Variants in FRMD5 observed in about 807,000 individuals in gnomAD.
The protein encoded by FRMD5 is FERM domain-containing protein 5.
FRMD5 carries 20 observed loss-of-function variants against 69.0 expected under a neutral mutation model. The observed-to-expected ratio is 0.29, with a 90% CI of 0.20 to 0.42. The LOEUF (loss-of-function observed/expected upper bound fraction) is 0.42, where lower values mean the gene tolerates loss of function less well. FRMD5 is among the 10% of genes least tolerant of loss of function. The pLI is 1.00. For missense variants in FRMD5, 595 were observed against 708.6 expected, an observed-to-expected ratio of 0.84 and a Z score of 1.82; for synonymous variants, 271 against 260.1, an observed-to-expected ratio of 1.04 and a Z score of -0.40.
intron 1 of FRMD5, among the ~76,000 whole-genome samples, chr15:44,031,253 A>G (rs1031468514): frequency 6.6e-6 from 1 of 152,180 alleles, no homozygotes; most frequent in Non-Finnish European, 1.5e-5. Context: ...TCCACAGGGG[A>G]GAAAAAAAAG....
At chr15:44,037,053 G>A (rs1184734576) in intron 1 of FRMD5, among the ~76,000 whole-genome samples, 2 of 151,962 alleles carry the variant, frequency 1.3e-5, no homozygotes, top group Non-Finnish European at 1.5e-5. Flanking sequence ...TTGTTACATA[G>A]GTATGCATGT....
chr15:44,058,533 G>A (rs1892960338), intron 1 of FRMD5, among the ~76,000 whole-genome samples: 1 of 152,110 alleles, frequency 6.6e-6, no homozygotes, highest in Non-Finnish European at 1.5e-5. Flanking sequence ...CTTTTTAAAA[G>A]TAATGGGCTT....
intron 13 of FRMD5, among the ~76,000 whole-genome samples, chr15:43,882,357 A>G (rs992101400): frequency 9.2e-5 from 14 of 151,486 alleles, no homozygotes; most frequent in Admixed American, 8.5e-4. Context: ...CAACAGGACA[A>G]ATTTCTTTCT....
intron 1 of FRMD5, among the ~76,000 whole-genome samples, chr15:44,000,860 C>A (rs1890179922): frequency 6.6e-6 from 1 of 152,120 alleles, no homozygotes; most frequent in African/African-American, 2.4e-5. Context: ...GTTGCCCAGG[C>A]TGGAGTGAAG....
intron 1 of FRMD5, among the ~76,000 whole-genome samples, chr15:44,003,829 AT>A: frequency 6.6e-6 from 1 of 152,136 alleles, no homozygotes; most frequent in East Asian, 1.9e-4. Context: ...TCATTTACTA[AT>A]TTTTTTATGT....
At chr15:43,908,611 G>A (rs1414319272) in intron 5 of FRMD5, among the ~76,000 whole-genome samples, 4 of 152,034 alleles carry the variant, frequency 2.6e-5, no homozygotes, top group South Asian at 2.1e-4. Context: ...TAGTGCTGTC[G>A]TCCAAAATGA....
At chr15:44,074,677 C>T (rs1893684031) in intron 1 of FRMD5, among the ~76,000 whole-genome samples, 1 of 152,056 alleles carries the variant, frequency 6.6e-6, no homozygotes, top group African/African-American at 2.4e-5. Flanking sequence ...AGGTTTTTCA[C>T]TAGGTCTTAG....
chr15:43,935,762 T>C (rs1425826318), intron 1 of FRMD5, among the ~76,000 whole-genome samples: 1 of 152,222 alleles, frequency 6.6e-6, no homozygotes, highest in African/African-American at 2.4e-5. Context: ...CGCATCCCTG[T>C]CATCTTCTGT....
intron 1 of FRMD5, among the ~76,000 whole-genome samples, chr15:44,149,380 T>C (rs2077408438): frequency 6.6e-6 from 1 of 151,854 alleles, no homozygotes; most frequent in Non-Finnish European, 1.5e-5. Context: ...CTATAATATA[T>C]ATAGAAAACA....
chr15:44,092,963 C>A (rs1458047981), intron 1 of FRMD5, among the ~76,000 whole-genome samples: 2 of 121,882 alleles, frequency 1.6e-5, no homozygotes, highest in Admixed American at 1.1e-4. Flanking sequence ...GATGGAGTCT[C>A]ACTCTGTCGC....
intron 7 of FRMD5, among the ~76,000 whole-genome samples, chr15:43,896,442 C>T (rs1317395998): frequency 2.0e-5 from 3 of 152,200 alleles, no homozygotes; most frequent in Non-Finnish European, 4.4e-5. Context: ...ATGTGGCCAA[C>T]GGTATTCTCC....
In FRMD5 at chr15:44,154,498, C is replaced by T. The variant is rs564358204; in HGVS notation, c.102+40455G>A. Among the ~76,000 whole-genome samples, 11 of 152,244 alleles carry T rather than the reference C, an allele frequency of 7.2e-5. No homozygotes were observed. In the South Asian group the frequency reaches 1.9e-3, roughly 26 times the overall value. ...CTTTGGGATTAATTTGGTTTTTAATCCTATGCAACAGTATAAAATAGTTAT... is the reference window on the plus strand; with the variant it reads ...CTTTGGGATTAATTTGGTTTTTAATTCTATGCAACAGTATAAAATAGTTAT... On this transcript the variant is annotated intron_variant, in intron 1 of 13. Transcript: ENST00000417257.
chr15:44,098,889 T>G (rs1422044448), intron 1 of FRMD5, among the ~76,000 whole-genome samples: 1 of 152,232 alleles, frequency 6.6e-6, no homozygotes, highest in African/African-American at 2.4e-5. Flanking sequence ...AATAGACTAT[T>G]TGCTACTTAT....
At chr15:44,188,190 A>G (rs899110702) in intron 1 of FRMD5, among the ~76,000 whole-genome samples, 1 of 152,186 alleles carries the variant, frequency 6.6e-6, no homozygotes. Context: ...AGAGACAAAA[A>G]ATACTAACCA....
intron 1 of FRMD5, among the ~76,000 whole-genome samples, chr15:44,065,730 T>C (rs1002296524): frequency 6.6e-6 from 1 of 152,170 alleles, no homozygotes; most frequent in African/African-American, 2.4e-5. Flanking sequence ...AATAAGCATA[T>C]AAACTGACCT....
At chr15:44,128,412 G>A (rs1400595553) in intron 1 of FRMD5, among the ~76,000 whole-genome samples, 1 of 152,186 alleles carries the variant, frequency 6.6e-6, no homozygotes, top group Non-Finnish European at 1.5e-5. Flanking sequence ...GGGAGGCAGA[G>A]GTTGCAGTGA....
At chr15:44,198,046 C>T (rs1011062515), upstream of FRMD5, among the ~76,000 whole-genome samples, 3 of 152,174 alleles carry the variant, frequency 2.0e-5, no homozygotes, top group East Asian at 5.8e-4. Context: ...TGCAGTGGCT[C>T]ATGCCTATAA....
chr15:44,184,498 T>C (rs1399631270), intron 1 of FRMD5, among the ~76,000 whole-genome samples: 2 of 152,200 alleles, frequency 1.3e-5, no homozygotes, highest in African/African-American at 4.8e-5. Flanking sequence ...TATCACATTA[T>C]GCCTTAGTGT....
intron 1 of FRMD5, among the ~76,000 whole-genome samples, chr15:43,994,126 GTTTT>G (rs1456637927): frequency 6.6e-6 from 1 of 152,056 alleles, no homozygotes; most frequent in Non-Finnish European, 1.5e-5. Flanking sequence ...TTTGTTAGTT[GTTTT>G]CTGATTGTTT....
Sources: allele counts gnomAD v4.1 joint callset (sites outside exome capture counted in the v4.1 genomes callset), GRCh38; gene constraint gnomAD v4.1.1; transcripts MANE v1.5; gene names NCBI Gene and HGNC (gene_info 2026-07-23, HGNC 2026-07-21).